ANO2: variants seen among roughly 807,000 people sequenced by gnomAD.
The protein encoded by ANO2 is anoctamin 2.
A neutral mutation model predicts 124.2 loss-of-function variants in ANO2; 101 were observed. That is an observed-to-expected ratio of 0.81 (90% CI 0.69 to 0.96). The LOEUF (loss-of-function observed/expected upper bound fraction) is 0.96, where lower values mean the gene tolerates loss of function less well. Ranked by LOEUF, ANO2 falls within the 40% of genes least tolerant of loss-of-function variation. The pLI is 0.00. For missense variants in ANO2, 1,293 were observed against 1,274.5 expected, an observed-to-expected ratio of 1.01 and a Z score of -0.22; for synonymous variants, 486 against 482.5, an observed-to-expected ratio of 1.01 and a Z score of -0.09.
Position 5,888,098 on chromosome 12 carries a change from T to C in ANO2, c.534+32942A>G, listed in dbSNP as rs192949913. Among the ~76,000 whole-genome samples the C allele has an allele frequency of 6.6e-5, 10 of 152,306 alleles. No individual in the cohort carries two copies. In the East Asian group the frequency reaches 1.9e-3, roughly 29 times the overall value. ...TCTTAAAGGCGGGGTGTCCGGAGTC[T>C]GTTCCTTCTGACGTTCGGATGTGTT... On this transcript the variant is annotated intron_variant, in intron 3 of 24. Coordinates refer to ENST00000682330, the MANE Select transcript of ANO2 (RefSeq NM_001364791.2).
intron 20 of ANO2, among the ~76,000 whole-genome samples, chr12:5,595,075 T>G (rs1207917192): frequency 6.6e-6 from 1 of 152,270 alleles, no homozygotes; most frequent in Admixed American, 6.5e-5. Context: ...AATCCTTTAC[T>G]TGTCTTGTAA....
chr12:5,927,841 T>G (rs1298244009), intron 1 of ANO2, among the ~76,000 whole-genome samples: 2 of 151,984 alleles, frequency 1.3e-5, no homozygotes, highest in African/African-American at 4.8e-5. Flanking sequence ...TAATGCTATA[T>G]CCCCAGACAG....
At chr12:5,837,324 C>CT (rs869138156) in intron 4 of ANO2, among the ~76,000 whole-genome samples, 8 of 29,510 alleles carry the variant, frequency 2.7e-4, no homozygotes, top group African/African-American at 5.0e-4. Flanking sequence ...TGATTCCTGC[C>CT]TTTTTTTTTT....
intron 10 of ANO2, among the ~76,000 whole-genome samples, chr12:5,763,715 A>G (rs780056904): frequency 6.6e-6 from 1 of 152,146 alleles, no homozygotes; most frequent in Non-Finnish European, 1.5e-5. Flanking sequence ...GCGTAGAGAG[A>G]TATTTGTAGT....
rs1952700318 is a variant in ANO2, at chr12:5,791,694, C to T, written c.1055+7813G>A. 2.6e-5 allele frequency among the ~76,000 whole-genome samples: 4 copies of T among 152,218 alleles called. No individual in the cohort carries two copies. In the South Asian group the frequency reaches 8.3e-4, roughly 32 times the overall value. ...TCTGGGAAGCCTTTACTTCACTGAACTCAGTCTCCTTGCCTGTGAAATGAA... is the reference window on the plus strand; with the variant it reads ...TCTGGGAAGCCTTTACTTCACTGAATTCAGTCTCCTTGCCTGTGAAATGAA... On this transcript the variant is annotated intron_variant, in intron 10 of 24. Transcript: ENST00000682330.
At chr12:5,912,633 C>A (rs1941123252) in intron 3 of ANO2, among the ~76,000 whole-genome samples, 1 of 152,176 alleles carries the variant, frequency 6.6e-6, no homozygotes, top group Non-Finnish European at 1.5e-5. Flanking sequence ...ATCCAGCCAG[C>A]CCTACTGTGC....
Position 5,862,675 on chromosome 12 carries a change from G to T in ANO2, c.535-8534C>A, listed in dbSNP as rs867372821. On this transcript the variant is annotated intron_variant, in intron 3 of 24. Coordinates refer to ENST00000682330, the MANE Select transcript of ANO2 (RefSeq NM_001364791.2). This position sits in a 1 kb window ranked among gnomAD's most constrained non-coding sequence, Gnocchi z 4.0. ...AGCTCCCATAATTCCCACATGTTGC[G>T]GGAGGGACCTGGTGGGAGGTAACTG... 6.6e-6 allele frequency among the ~76,000 whole-genome samples: 1 copy of T among 152,192 alleles called. No homozygotes were observed. The highest frequency in any genetic ancestry group is 1.5e-5 in the Non-Finnish European group (1 of 68,042).
chr12:5,674,953 G>A (rs1011742823), intron 14 of ANO2, among the ~76,000 whole-genome samples: 1 of 119,176 alleles, frequency 8.4e-6, no homozygotes, highest in East Asian at 3.0e-4. Flanking sequence ...CAGTACTGCA[G>A]CTTGAAAGCT....
At chr12:5,715,781 C>T (rs1026471103) in intron 14 of ANO2, among the ~76,000 whole-genome samples, 5 of 152,148 alleles carry the variant, frequency 3.3e-5, no homozygotes, top group African/African-American at 9.7e-5. Context: ...CAAAGAGGAA[C>T]CCAGAAACCG....
intron 7 of ANO2, among the ~76,000 whole-genome samples, chr12:5,817,220 T>C (rs564067051): frequency 3.3e-5 from 5 of 152,348 alleles, no homozygotes; most frequent in Admixed American, 2.0e-4. Flanking sequence ...GCTTATTTCA[T>C]CTTTACAAAA....
At chr12:5,755,099 T>C (rs1318539517) in intron 10 of ANO2, among the ~76,000 whole-genome samples, 3 of 152,050 alleles carry the variant, frequency 2.0e-5, no homozygotes, top group Admixed American at 1.3e-4. Flanking sequence ...TAATATGTTG[T>C]GCTTTCATTT....
At chr12:5,702,411 C>T (rs1050974895) in intron 14 of ANO2, among the ~76,000 whole-genome samples, 1 of 152,000 alleles carries the variant, frequency 6.6e-6, no homozygotes, top group Non-Finnish European at 1.5e-5. Flanking sequence ...AAAATATTTG[C>T]CATTCATATG....
chr12:5,916,975 G>C (rs142234725), intron 3 of ANO2, among the ~76,000 whole-genome samples: 1 of 152,298 alleles, frequency 6.6e-6, no homozygotes, highest in Non-Finnish European at 1.5e-5. Flanking sequence ...AGGCCACAAT[G>C]AGAGGTGGAA....
At chr12:5,648,704 C>A (rs1277645251) in intron 14 of ANO2, among the ~76,000 whole-genome samples, 1 of 152,212 alleles carries the variant, frequency 6.6e-6, no homozygotes, top group East Asian at 1.9e-4. Context: ...ATACAGCTGT[C>A]CTGCCTACTA....
intron 16 of ANO2, among the ~76,000 whole-genome samples, chr12:5,634,458 G>A (rs780757260): frequency 6.6e-6 from 1 of 152,270 alleles, no homozygotes; most frequent in Non-Finnish European, 1.5e-5. Context: ...GATGAATCCA[G>A]GCCACCCAGA....
chr12:5,827,378 T>C (rs1953988924), intron 7 of ANO2, among the ~76,000 whole-genome samples: 1 of 152,172 alleles, frequency 6.6e-6, no homozygotes, highest in Admixed American at 6.5e-5. Context: ...TCTTCTTACA[T>C]AATATGAGAA....
At chr12:5,718,169 T>C (rs959120598) in intron 14 of ANO2, among the ~76,000 whole-genome samples, 10 of 152,248 alleles carry the variant, frequency 6.6e-5, no homozygotes, top group African/African-American at 2.4e-4. Flanking sequence ...TGCTCCACGT[T>C]CTGAAACATA....
chr12:5,818,447 T>TTATATATA (rs57443240), intron 7 of ANO2, among the ~76,000 whole-genome samples: 59 of 82,930 alleles, frequency 7.1e-4, no homozygotes, highest in African/African-American at 1.3e-3. Context: ...TAAACTCATA[T>TTATATATA]TATATATATA....
At chr12:5,797,129 G>A (rs1174485519) in intron 10 of ANO2, among the ~76,000 whole-genome samples, 1 of 152,244 alleles carries the variant, frequency 6.6e-6, no homozygotes, top group Non-Finnish European at 1.5e-5. Flanking sequence ...GAGGCACACG[G>A]AGGGTGCCAT....
Sources: gnomAD v4.1 joint callset for allele counts (sites outside exome capture counted in the v4.1 genomes callset) on GRCh38, gnomAD v4.1.1 for gene constraint, Gnocchi (gnomAD v3.1) non-coding constraint, MANE v1.5 for transcripts, NCBI Gene and HGNC (gene_info 2026-07-23, HGNC 2026-07-21) for gene names.